The following NPY2R variants were observed in gnomAD, a reference collection of about 807,000 sequenced individuals.
NPY2R encodes the protein neuropeptide Y receptor Y2.
In NPY2R, 17 loss-of-function variants were observed where a neutral mutation model predicts 22.3. That is an observed-to-expected ratio of 0.76 (90% CI 0.52 to 1.14). NPY2R has a LOEUF of 1.14. Among genes scored for constraint, NPY2R ranks in the 50% most tolerant of loss-of-function variants. The probability of loss-of-function intolerance (pLI) is 0.00; values close to 1 mark genes in which losing one functional copy is unlikely to be tolerated. For missense variants in NPY2R, 424 were observed against 467.9 expected (o/e 0.91, Z 0.87); for synonymous variants, 209 against 183.4 (o/e 1.14, Z -1.13).
chr4:155,174,486 T>TATATATATATATATATATA, the NPY2R span, among the ~76,000 whole-genome samples: 157 of 68,586 alleles, frequency 2.3e-3, 2 homozygotes, highest in African/African-American at 0.012. Flanking sequence ...ATATATATAT[T>TATATATATATATATATATA]TTTTTTTTTA....
chr4:155,191,729 C>T, the NPY2R span, among the ~76,000 whole-genome samples: 1 of 151,798 alleles, frequency 6.6e-6, no homozygotes. Flanking sequence ...TTTTACTTTG[C>T]TGGACTAAAT....
the NPY2R span, chr4:155,174,310 G>A: frequency 6.6e-6 from 1 of 151,318 alleles, no homozygotes; most frequent in African/African-American, 2.4e-5. Flanking sequence ...TCTAAATGTT[G>A]TCTCATTTAT....
chr4:155,177,351 A>AGGGAGAAATAAGCC, the NPY2R span, among the ~76,000 whole-genome samples: 1 of 152,196 alleles, frequency 6.6e-6, no homozygotes, highest in African/African-American at 2.4e-5. Context: ...CCAATCTAAA[A>AGGGAGAAATAAGCC]GGGAGAAATA....
chr4:155,187,272 G>C, the NPY2R span, among the ~76,000 whole-genome samples: 2 of 152,110 alleles, frequency 1.3e-5, 1 homozygote, highest in East Asian at 3.9e-4. Context: ...ATTGATTTGT[G>C]TGAACAGATA....
rs145866617 is a variant in NPY2R at position 155,214,672 on chromosome 4, A to G, written c.733A>G (p.Lys245Glu). 5.0e-6 allele frequency: 8 copies of G among 1,614,240 alleles called. No homozygotes were observed. The highest frequency in any genetic ancestry group is 6.8e-6 in the Non-Finnish European group (8 of 1,180,034). Residue 245 changes from lysine to glutamate, a missense_variant, in exon 2 of 2, where the codon AAA becomes GAA. Lys to Glu is a moderately conservative substitution (Grantham distance 56). Transcript: ENST00000329476. ...ISFSYTRIWS[K>E]LKNHVSPGAA... ...ATTTTCCTACACTCGCATTTGGAGT[A>G]AATTGAAGAACCATGTCAGTCCTGG...
At position 155,214,295 on chromosome 4, in the gene NPY2R, G is replaced by T; in HGVS notation, c.356G>T (p.Gly119Val). 6.2e-7 allele frequency: 1 copy of T among 1,614,134 alleles called. No individual in the cohort carries two copies. The highest frequency in any genetic ancestry group is 8.5e-7 in the Non-Finnish European group (1 of 1,180,008). ...ACCTTAATGGGGGAGTGGAAAATGG[G>T]TCCTGTCCTGTGCCACCTGGTGCCC... is the stretch of plus-strand genomic sequence containing the variant. ...TYTLMGEWKM[G>V]PVLCHLVPYA... The change falls in exon 2 of 2, where the codon GGT becomes GTT. Residue 119 changes from glycine to valine, a missense_variant. Gly to Val is a moderately radical substitution (Grantham distance 109). Transcript: ENST00000329476.
At chr4:155,206,104 C>A (rs1309635518), upstream of NPY2R, among the ~76,000 whole-genome samples, 1 of 152,162 alleles carries the variant, frequency 6.6e-6, no homozygotes, top group African/African-American at 2.4e-5. Flanking sequence ...TTTCCACTCT[C>A]TCCTACAACC....
At chr4:155,213,825 T>C (rs937259782) in intron 1 of NPY2R, 67 bp from the exon 2 acceptor site, 12 of 884,450 alleles carry the variant, frequency 1.4e-5, no homozygotes, top group Non-Finnish European at 1.9e-5. Context: ...TGCTTCACCT[T>C]TGTGTTTTCC....
At chr4:155,174,610 A>C in the NPY2R span, among the ~76,000 whole-genome samples, 3 of 151,664 alleles carry the variant, frequency 2.0e-5, no homozygotes, top group African/African-American at 7.3e-5. Context: ...CTGTAGATTT[A>C]AAAATTACAT....
At chr4:155,183,133 G>A in the NPY2R span, among the ~76,000 whole-genome samples, 2 of 152,178 alleles carry the variant, frequency 1.3e-5, no homozygotes, top group South Asian at 2.1e-4. Context: ...CCATAAGTTC[G>A]GGTATTCCTC....
chr4:155,211,585 G>T (rs1423679585), intron 1 of NPY2R, among the ~76,000 whole-genome samples: 1 of 152,128 alleles, frequency 6.6e-6, no homozygotes, highest in African/African-American at 2.4e-5. Context: ...CAGATCCTTT[G>T]GTGGGAGAGC....
chr4:155,214,416 G>A lies in NPY2R; in HGVS notation c.477G>A (p.Lys159=), dbSNP rs781443388. 9.3e-6 allele frequency: 15 copies of A among 1,613,958 alleles called. No individual in the cohort carries two copies. In the Admixed American group the frequency reaches 1.0e-4, roughly 11 times the overall value. The change falls in exon 2 of 2, where the codon AAG becomes AAA. Residue 159 remains lysine, a synonymous_variant. Coordinates refer to ENST00000329476, the MANE Select transcript of NPY2R (RefSeq NM_000910.4). ...HRCIVYHLES[K]ISKRISFLII... is the part of the protein sequence containing the mutation. ...GCATCGTCTACCACCTAGAGAGCAA[G>A]ATCTCCAAGCGAATCAGCTTCCTGA...
the NPY2R span, among the ~76,000 whole-genome samples, chr4:155,185,899 G>GTT: frequency 0.47 from 70,515 of 151,228 alleles, 17,065 homozygotes; most frequent in East Asian, 0.69. Context: ...AGTGAAATGT[G>GTT]TTTTTTTTGG....
At chr4:155,176,790 G>A in the NPY2R span, among the ~76,000 whole-genome samples, 1 of 152,178 alleles carries the variant, frequency 6.6e-6, no homozygotes, top group East Asian at 1.9e-4. Context: ...CGGCAGACTT[G>A]GTATCTGGCG....
At chr4:155,196,710 T>C in the NPY2R span, among the ~76,000 whole-genome samples, 2 of 151,920 alleles carry the variant, frequency 1.3e-5, no homozygotes. Context: ...GTGGTGAGGC[T>C]GAAGTAACAG....
the NPY2R span, among the ~76,000 whole-genome samples, chr4:155,179,102 C>A: frequency 6.6e-6 from 1 of 151,998 alleles, no homozygotes; most frequent in Non-Finnish European, 1.5e-5. Flanking sequence ...TAGAAGTTAT[C>A]TTTTTCATAT....
At chr4:155,210,145 G>A (rs1279160476) in intron 1 of NPY2R, among the ~76,000 whole-genome samples, 1 of 152,144 alleles carries the variant, frequency 6.6e-6, no homozygotes, top group African/African-American at 2.4e-5. Context: ...TCCTTTGTGT[G>A]CTTTTGATGG....
At position 155,216,495 on chromosome 4, in the gene NPY2R, A is replaced by G. The variant is rs1439008175; in HGVS notation, c.*1410A>G. Reference sequence around the variant, plus strand: ...AGTCATATTTTTGTAAATATGACAGAATTTGTGAATATATTTTTAAAGCAA... The same window carrying G: ...AGTCATATTTTTGTAAATATGACAGGATTTGTGAATATATTTTTAAAGCAA... On this transcript the variant is annotated 3_prime_UTR_variant, in exon 2 of 2. Transcript: ENST00000329476. 1 of 166,662 alleles carries G rather than the reference A, an allele frequency of 6.0e-6. No homozygotes were observed. Among genetic ancestry groups the G allele is most frequent in the South Asian group, 2.1e-4 (1 of 4,830 alleles). 10.3% of individuals were successfully genotyped at this position (166,662 alleles called of 1,614,324 possible).
Position 155,215,232 on chromosome 4 carries a change from T to G in NPY2R, c.*147T>G. 2.4e-6 allele frequency: 2 copies of G among 820,460 alleles called. No individual in the cohort carries two copies. The highest frequency in any genetic ancestry group is 4.1e-6 in the Non-Finnish European group (2 of 482,356). 50.8% of individuals were successfully genotyped at this position (820,460 alleles called of 1,614,324 possible). On this transcript the variant is annotated 3_prime_UTR_variant, in exon 2 of 2. Coordinates refer to ENST00000329476, the MANE Select transcript of NPY2R (RefSeq NM_000910.4). ...ATCTGCTGTTTAATTCCTGGAAAAC[T>G]GGCTGGGCAGAGCCTGTGTGAAAAT...
Sources: gnomAD v4.1 joint callset for allele counts (sites outside exome capture counted in the v4.1 genomes callset) on GRCh38, gnomAD v4.1.1 for gene constraint, MANE v1.5 for transcripts, NCBI Gene and HGNC (gene_info 2026-07-23, HGNC 2026-07-21) for gene names.